ASL: variants seen among roughly 807,000 people sequenced by gnomAD.
ASL encodes the protein argininosuccinate lyase.
Under a neutral mutation model 69.1 loss-of-function variants are expected in ASL, and 51 were observed. The observed-to-expected ratio is 0.74, with a 90% CI of 0.59 to 0.93. ASL has a LOEUF of 0.93. Among genes scored for constraint, ASL ranks in the 40% least tolerant of loss-of-function variants. The probability of loss-of-function intolerance (pLI) is 0.00; values close to 1 mark genes in which losing one functional copy is unlikely to be tolerated. For missense variants in ASL, 540 were observed against 623.9 expected, an observed-to-expected ratio of 0.87 and a Z score of 1.43; for synonymous variants, 241 against 247.6, an observed-to-expected ratio of 0.97 and a Z score of 0.25.
At chr7:66,076,234 G>T in intron 2 of ASL, 141 bp downstream of exon 2, 1 of 1,097,666 alleles carries the variant, frequency 9.1e-7, no homozygotes. Context: ...TGCACCCCCA[G>T]CCCTCCCGGG....
chr7:66,086,560 A>C, intron 6 of ASL, 25 bp from the exon 7 acceptor site: 1 of 1,612,288 alleles, frequency 6.2e-7, no homozygotes, highest in South Asian at 1.1e-5. Context: ...CCTCCACCCG[A>C]GCTTCTGCTC....
At chr7:66,080,375 G>A (rs1255859161) in intron 2 of ASL, among the ~76,000 whole-genome samples, 3 of 92,516 alleles carry the variant, frequency 3.2e-5, no homozygotes, top group African/African-American at 4.5e-5. Context: ...GACAAAGAGA[G>A]ACTCCATCTC....
rs930976127 is a variant in ASL at position 66,083,153 on chromosome 7, C to G, written c.425C>G (p.Thr142Ser). The change falls in exon 6 of 17, where the codon ACC (threonine) becomes AGC (serine). Residue 142 changes from threonine (T) to serine (S), a missense_variant. Transcript: ENST00000304874. The part of the protein sequence containing the change: ...LSGLLWELIR[T>S]MVDRAEAERD... ...GGCCTCCTCTGGGAGCTCATTAGGACCATGGTGGATCGGGCAGAGGCGTGA... is the reference window on the plus strand; with the variant it reads ...GGCCTCCTCTGGGAGCTCATTAGGAGCATGGTGGATCGGGCAGAGGCGTGA... 1.5e-5 allele frequency: 25 copies of G among 1,613,208 alleles called. No homozygotes were observed. Among genetic ancestry groups the G allele is most frequent in the Non-Finnish European group, 2.1e-5 (25 of 1,179,980 alleles).
In ASL at chr7:66,089,641, A is replaced by G. The variant is rs2115746741; in HGVS notation, c.1008A>G (p.Ser336=). ...ACAAGGAAGCTGTGTTTGAAGTGTC[A>G]GACACTATGAGTGCCGTGCTCCAGG... ...QEDKEAVFEV[S]DTMSAVLQVA... is the part of the protein sequence containing the mutation. The change falls in exon 14 of 17, where the codon TCA becomes TCG. Residue 336 remains serine, a synonymous_variant. Coordinates refer to ENST00000304874, the MANE Select transcript of ASL (RefSeq NM_000048.4). 6 of 1,613,930 alleles carry G rather than the reference A, an allele frequency of 3.7e-6. No homozygotes were observed. The highest frequency in any genetic ancestry group is 5.1e-6 in the Non-Finnish European group (6 of 1,180,022).
chr7:66,082,963 C>A, intron 5 of ASL, 27 bp downstream of exon 5: 1 of 1,612,656 alleles, frequency 6.2e-7, no homozygotes. Context: ...ACCCCCTGCT[C>A]CGTGTTGTCC....
At chr7:66,080,149 G>A (rs190915586) in intron 2 of ASL, among the ~76,000 whole-genome samples, 84 of 151,920 alleles carry the variant, frequency 5.5e-4, no homozygotes, top group African/African-American at 1.9e-3. Flanking sequence ...TTGGGAGGCC[G>A]AGGTGGGCAG....
At chr7:66,084,439 C>T (rs1410188082) in intron 6 of ASL, among the ~76,000 whole-genome samples, 1 of 151,764 alleles carries the variant, frequency 6.6e-6, no homozygotes, top group Non-Finnish European at 1.5e-5. Flanking sequence ...TAGGATTACA[C>T]CCATAAGCCA....
chr7:66,087,939 G>A (rs1786719202), intron 10 of ASL, 148 bp downstream of exon 10: 4 of 999,784 alleles, frequency 4.0e-6, no homozygotes, highest in Non-Finnish European at 6.1e-6. Flanking sequence ...GGTAAAGTGG[G>A]TGGGGCATGG....
intron 2 of ASL, among the ~76,000 whole-genome samples, chr7:66,077,461 G>A (rs972828380): frequency 1.3e-5 from 2 of 151,824 alleles, no homozygotes; most frequent in African/African-American, 4.8e-5. Flanking sequence ...AGGCATGGTG[G>A]CTCACACCTG....
intron 14 of ASL, chr7:66,091,672 T>G (rs1171167010): frequency 5.6e-6 from 2 of 359,368 alleles, no homozygotes; most frequent in Non-Finnish European, 1.1e-5. Flanking sequence ...AGGGCTATAA[T>G]GGCCACTGCA....
In ASL at chr7:66,076,078, C is replaced by T. The variant is rs778309914; in HGVS notation, c.-4C>T. 1.1e-5 allele frequency: 18 copies of T among 1,600,324 alleles called. No homozygotes were observed. Among genetic ancestry groups the T allele is most frequent in the Non-Finnish European group, 1.4e-5 (16 of 1,174,096 alleles). On this transcript the variant is annotated 5_prime_UTR_variant, in exon 2 of 17. Transcript: ENST00000304874. ...AGCTTCCGGACGACGAGGAACCGCCCAACATGGCCTCGGAGGTGAGTGGGA... is the reference window on the plus strand; with the variant it reads ...AGCTTCCGGACGACGAGGAACCGCCTAACATGGCCTCGGAGGTGAGTGGGA...
At position 66,083,098 on chromosome 7, in the gene ASL, T is replaced by C. The variant is rs769361892; in HGVS notation, c.370T>C (p.Trp124Arg). The change falls in exon 6 of 17, where the codon TGG (tryptophan) becomes CGG (arginine). Residue 124 changes from tryptophan (W) to arginine (R), a missense_variant. Transcript: ENST00000304874. ...NDQVVTDLRLWMRQTCSTLSG... is the reference protein window; with the variant it reads ...NDQVVTDLRLRMRQTCSTLSG... ...ACAGGTGGTCACAGACCTCAGGCTG[T>C]GGATGCGGCAGACCTGCTCCACGCT... The C allele has an allele frequency of 1.2e-6, 2 of 1,613,808 alleles. No individual in the cohort carries two copies. The highest frequency in any genetic ancestry group is 8.5e-7 in the Non-Finnish European group (1 of 1,180,006).
chr7:66,092,136 C>G, intron 15 of ASL, 50 bp downstream of exon 15: 1 of 1,595,810 alleles, frequency 6.3e-7, no homozygotes, highest in Non-Finnish European at 8.5e-7. Flanking sequence ...GTGCCCCCCC[C>G]AGAGGGTGGG....
chr7:66,082,390 G>T lies in ASL; in HGVS notation c.230G>T (p.Gly77Val), dbSNP rs762014141. The change falls in exon 4 of 17, where the codon GGC (glycine) becomes GTC (valine). Residue 77 changes from glycine (G) to valine (V), a missense_variant. Coordinates refer to ENST00000304874, the MANE Select transcript of ASL (RefSeq NM_000048.4). ...CAGGTGGCTGAGGAGTGGGCCCAGG[G>T]CACCTTCAAACTGAACTCCAATGAT... ...LDKVAEEWAQ[G>V]TFKLNSNDED... The T allele has an allele frequency of 3.1e-6, 5 of 1,612,434 alleles. No homozygotes were observed. The highest frequency in any genetic ancestry group is 4.2e-6 in the Non-Finnish European group (5 of 1,179,686).
At chr7:66,092,727 G>C in intron 16 of ASL, 41 bp from the exon 17 acceptor site, 1 of 1,613,678 alleles carries the variant, frequency 6.2e-7, no homozygotes, top group African/African-American at 1.3e-5. Flanking sequence ...TGGAGCCCAG[G>C]GTGGCCTGGC....
intron 3 of ASL, 122 bp from the exon 4 acceptor site, chr7:66,082,246 C>T: frequency 3.4e-6 from 4 of 1,185,634 alleles, no homozygotes; most frequent in Non-Finnish European, 4.9e-6. Flanking sequence ...GGGTGCGCTT[C>T]CAGGACTCAG....
chr7:66,080,627 G>T (rs1314977300), intron 2 of ASL, among the ~76,000 whole-genome samples: 1 of 151,920 alleles, frequency 6.6e-6, no homozygotes, highest in East Asian at 1.9e-4. Flanking sequence ...GGAGGCTGAG[G>T]CAGGAAAATT....
At chr7:66,091,022 C>T (rs1438050473) in intron 14 of ASL, among the ~76,000 whole-genome samples, 2 of 148,282 alleles carry the variant, frequency 1.3e-5, no homozygotes, top group African/African-American at 5.0e-5. Flanking sequence ...TGCTTGAACC[C>T]GGGAGATGGA....
intron 14 of ASL, among the ~76,000 whole-genome samples, chr7:66,090,518 C>T (rs1402446991): frequency 6.6e-6 from 1 of 152,142 alleles, no homozygotes; most frequent in African/African-American, 2.4e-5. Flanking sequence ...AAGCCATCCT[C>T]CCACCTTGGT....
Sources: gnomAD v4.1 joint callset for allele counts (sites outside exome capture counted in the v4.1 genomes callset) on GRCh38, gnomAD v4.1.1 for gene constraint, MANE v1.5 for transcripts, NCBI Gene and HGNC (gene_info 2026-07-23, HGNC 2026-07-21) for gene names.